GATA5: variants seen among roughly 807,000 people sequenced by gnomAD.
GATA5 encodes the protein transcription factor GATA-5.
In GATA5, 27 loss-of-function variants were observed where a neutral mutation model predicts 35.0. The observed-to-expected ratio is 0.77, with a 90% CI of 0.57 to 1.06. The LOEUF is 1.06. GATA5 is among the 50% of genes least tolerant of loss of function. The pLI, the probability that GATA5 is intolerant of heterozygous loss-of-function variation, is 0.00. For synonymous variants in GATA5, 306 were observed against 267.8 expected, an observed-to-expected ratio of 1.14 and a Z score of -1.39; for missense variants, 612 against 580.0, an observed-to-expected ratio of 1.06 and a Z score of -0.57.
intron 6 of GATA5, 44 bp from the exon 7 acceptor site, chr20:62,465,035 G>C (rs1555895908): frequency 8.3e-7 from 1 of 1,205,310 alleles, no homozygotes. Flanking sequence ...GGGGCGTGGG[G>C]CGTGGGGGGC....
intron 3 of GATA5, among the ~76,000 whole-genome samples, chr20:62,471,002 CT>C (rs1487808949): frequency 1.3e-5 from 2 of 152,238 alleles, no homozygotes; most frequent in Non-Finnish European, 2.9e-5. Context: ...ACAACACCAG[CT>C]AATTTAACTT....
chr20:62,473,135 G>C (rs782078735), intron 3 of GATA5, among the ~76,000 whole-genome samples: 15 of 152,216 alleles, frequency 9.9e-5, no homozygotes, highest in Non-Finnish European at 1.9e-4. Flanking sequence ...TCCAGAGCCT[G>C]GGCTCCTGGC....
chr20:62,474,291 G>T (rs1207152993), intron 2 of GATA5, among the ~76,000 whole-genome samples: 1 of 152,206 alleles, frequency 6.6e-6, no homozygotes, highest in Non-Finnish European at 1.5e-5. Flanking sequence ...TGGGGGTGGG[G>T]CAGGGATCAA....
Position 62,469,631 on chromosome 20 carries a change from C to G in GATA5, c.700-3080G>C, listed in dbSNP as rs6061246. ...CCAGCAGCGGGCACACCCCTCACCCCGCACCCCTGCGAGTGCCAGGGAAAC... is the reference window on the plus strand; with the variant it reads ...CCAGCAGCGGGCACACCCCTCACCCGGCACCCCTGCGAGTGCCAGGGAAAC... On this transcript the variant is annotated intron_variant, in intron 3 of 6. Transcript: ENST00000252997. 4.3e-4 allele frequency among the ~76,000 whole-genome samples: 65 copies of G among 152,242 alleles called. No individual in the cohort carries two copies. The East Asian group carries it at 9.1e-3, about 21-fold the overall frequency.
In GATA5 at chr20:62,470,042, G is replaced by A. The variant is rs782553270; in HGVS notation, c.699+3361C>T. Among the ~76,000 whole-genome samples the A allele has an allele frequency of 2.0e-5, 3 of 152,318 alleles. No individual in the cohort carries two copies. Among genetic ancestry groups the A allele is most frequent in the African/African-American group, 4.8e-5 (2 of 41,568 alleles). On this transcript the variant is annotated intron_variant, in intron 3 of 6. Transcript: ENST00000252997. The surrounding 1 kb of genome is among the most constrained non-coding windows in gnomAD (Gnocchi z 4.6). The stretch of plus-strand genomic sequence containing the variant: ...ACCCTGCCCCCCAGGCCTCTCTCCC[G>A]GCTGCATTTCGTTTTTCTTTTTTGT...
chr20:62,466,811 T>C lies in GATA5; in HGVS notation c.700-260A>G, dbSNP rs6142772. Among the ~76,000 whole-genome samples the C allele has an allele frequency of 0.15, 22,169 of 152,210 alleles. 1,679 individuals are homozygous for C. The highest frequency in any genetic ancestry group is 0.21 in the South Asian group (1,022 of 4,814). On this transcript the variant is annotated intron_variant, in intron 3 of 6. Transcript: ENST00000252997. ...GACCCACCACAGGCCAGTTGTGGGG[T>C]TCAGAGCCCGTGGGGGCCAGGCACC...
chr20:62,475,725 C>G (rs1270830492), intron 1 of GATA5, among the ~76,000 whole-genome samples, 183 bp from the exon 2 acceptor site: 1 of 152,092 alleles, frequency 6.6e-6, no homozygotes, highest in Non-Finnish European at 1.5e-5. Context: ...GAGGCCAGCG[C>G]GTCATCCCCG....
rs1344866314 is a variant in GATA5 at position 62,475,561 on chromosome 20, G to C, written c.-21-19C>G. ...TCTTGACCTGCAGGGAAGAGGGACA[G>C]GTGTGGAGGTCACGGGAGCTCTGCG... On this transcript the variant is annotated intron_variant, in intron 1 of 6. Coordinates refer to ENST00000252997, the MANE Select transcript of GATA5 (RefSeq NM_080473.5). The C allele has an allele frequency of 3.2e-6, 4 of 1,244,354 alleles. No homozygotes were observed. The highest frequency in any genetic ancestry group is 1.5e-5 in the African/African-American group (1 of 64,788). 77.1% of individuals were successfully genotyped at this position (1,244,354 alleles called of 1,614,324 possible).
Position 62,475,529 on chromosome 20 carries a change from G to T in GATA5, c.-8C>A. The stretch of plus-strand genomic sequence containing the variant: ...CGCCAGGCTCTGGTACATCCTCCCA[G>T]GCGTGGTCTTGACCTGCAGGGAAGA... On this transcript the variant is annotated 5_prime_UTR_variant, in exon 2 of 7. The change creates a new upstream start codon in the 5' untranslated region. Transcript: ENST00000252997. 7.8e-7 allele frequency: 1 copy of T among 1,286,784 alleles called. No individual in the cohort carries two copies. The highest frequency in any genetic ancestry group is 9.8e-7 in the Non-Finnish European group (1 of 1,018,416). 79.7% of individuals were successfully genotyped at this position (1,286,784 alleles called of 1,614,324 possible). A position where few individuals can be genotyped will look rare whatever the true frequency, so the allele number is the denominator to read the frequency against.
rs1989833406 is a variant in GATA5, at chr20:62,475,388, T to A, written c.134A>T (p.Tyr45Phe). 4 of 1,343,098 alleles carry A rather than the reference T, an allele frequency of 3.0e-6. No homozygotes were observed. Among genetic ancestry groups the A allele is most frequent in the Non-Finnish European group, 2.9e-6 (3 of 1,047,010 alleles). The allele number at this position is 1,343,098 out of a possible 1,614,324, so 83.2% of individuals were successfully genotyped here. A position where few individuals can be genotyped will look rare whatever the true frequency, so the allele number is the denominator to read the frequency against. Residue 45 changes from tyrosine (Y) to phenylalanine (F), a missense_variant, in exon 2 of 7, where the codon TAC becomes TTC. Transcript: ENST00000252997. ...PPARVPSMLS[Y>F]LSGCEPSPQP... ...CGGGCTCGGCTCACACCCGGACAGG[T>A]AGGACAGCATCGAGGGGACGCGCGC...
chr20:62,466,821 G>C lies in GATA5; in HGVS notation c.700-270C>G, dbSNP rs575062686. Among the ~76,000 whole-genome samples the C allele has an allele frequency of 3.9e-5, 6 of 152,354 alleles. No homozygotes were observed. The South Asian group carries it at 1.2e-3, about 32-fold the overall frequency. ...AGGCCAGTTGTGGGGTTCAGAGCCC[G>C]TGGGGGCCAGGCACCTAGACACGGC... On this transcript the variant is annotated intron_variant, in intron 3 of 6. Coordinates refer to ENST00000252997, the MANE Select transcript of GATA5 (RefSeq NM_080473.5).
At position 62,473,501 on chromosome 20, in the gene GATA5, G is replaced by A. The variant is rs782208424; in HGVS notation, c.601C>T (p.Arg201Cys). The change falls in exon 3 of 7, where the codon CGC becomes TGC. Residue 201 changes from arginine to cysteine, a missense_variant. By Grantham distance (180) the Arg-to-Cys change is radical. Coordinates refer to ENST00000252997, the MANE Select transcript of GATA5 (RefSeq NM_080473.5). ...AGGTAGTGGCCGGTGCCGTCTCGGC[G>A]CCACAGCGGTGTGGACAGGGCCCCG... Reference protein sequence around the residue: ...NCGALSTPLWRRDGTGHYLCN... With the variant: ...NCGALSTPLWCRDGTGHYLCN... 1.9e-6 allele frequency: 3 copies of A among 1,609,540 alleles called. No homozygotes were observed. Among genetic ancestry groups the A allele is most frequent in the South Asian group, 2.2e-5 (2 of 90,428 alleles).
At position 62,475,144 on chromosome 20, in the gene GATA5, G is replaced by A. The variant is rs782141667; in HGVS notation, c.378C>T (p.Phe126=). 3 of 1,357,246 alleles carry A rather than the reference G, an allele frequency of 2.2e-6. No homozygotes were observed. Among genetic ancestry groups the A allele is most frequent in the South Asian group, 1.9e-5 (1 of 53,956 alleles). 84.1% of individuals were successfully genotyped at this position (1,357,246 alleles called of 1,614,324 possible). A position where few individuals can be genotyped will look rare whatever the true frequency, so the allele number is the denominator to read the frequency against. ...CCACCGGCCGCCCAAGCGGGGCCGC[G>A]AACTGTTCTCGAGGCAACAGCGCGC... ...YQGALLPREQ[F]AAPLGRPVGT... Residue 126 remains phenylalanine, a synonymous_variant, in exon 2 of 7, where the codon TTC becomes TTT. Transcript: ENST00000252997.
intron 3 of GATA5, among the ~76,000 whole-genome samples, chr20:62,471,333 G>A (rs1239005908): frequency 1.3e-5 from 2 of 151,888 alleles, no homozygotes; most frequent in Admixed American, 6.6e-5. Flanking sequence ...GCAGTCTCAC[G>A]GGAGCTGGGC....
intron 2 of GATA5, 28 bp downstream of exon 2, chr20:62,474,971 C>G: frequency 2.3e-6 from 3 of 1,281,364 alleles, no homozygotes; most frequent in Non-Finnish European, 2.0e-6. Flanking sequence ...GCTCCTGGGC[C>G]CCGAGACTGT....
At position 62,466,679 on chromosome 20, in the gene GATA5, A is replaced by G. The variant is rs114175254; in HGVS notation, c.700-128T>C. 6,330 of 1,080,304 alleles carry G rather than the reference A, an allele frequency of 5.9e-3. 260 individuals are homozygous for G. The African/African-American group carries it at 0.087, about 15-fold the overall frequency. 66.9% of individuals were successfully genotyped at this position (1,080,304 alleles called of 1,614,324 possible). Reference sequence around the variant, plus strand: ...CGGTGAGAAGGTCGTGAGCTCTGCAATGGCCTCGCCTGGCAGCTCTGCCTG... The same window carrying G: ...CGGTGAGAAGGTCGTGAGCTCTGCAGTGGCCTCGCCTGGCAGCTCTGCCTG... On this transcript the variant is annotated intron_variant, in intron 3 of 6. Transcript: ENST00000252997.
chr20:62,471,116 A>C (rs185943372), intron 3 of GATA5, among the ~76,000 whole-genome samples: 8 of 152,296 alleles, frequency 5.3e-5, no homozygotes, highest in Admixed American at 3.9e-4. Context: ...GCCCCAGCCC[A>C]GGAGTCTGGG....
rs574764628 is a variant in GATA5 at position 62,471,432 on chromosome 20, AT to A, written c.699+1970del. Among the ~76,000 whole-genome samples, 177 of 81,754 alleles carry A rather than the reference AT, an allele frequency of 2.2e-3. 9 individuals carry two copies. Among genetic ancestry groups the A allele is most frequent in the East Asian group, 0.02 (59 of 2,882 alleles). 53.6% of individuals were successfully genotyped at this position (81,754 alleles called of 152,430 possible). The stretch of plus-strand genomic sequence containing the variant: ...TAAAGAGAAGTTAATTTCAATTACA[AT>A]TTTTTTTTTTTTTTTTGTGATGAGG... On this transcript the variant is annotated intron_variant, in intron 3 of 6. Transcript: ENST00000252997.
intron 2 of GATA5, among the ~76,000 whole-genome samples, chr20:62,473,869 G>A (rs1989784615): frequency 1.3e-5 from 2 of 152,212 alleles, no homozygotes; most frequent in South Asian, 2.1e-4. Flanking sequence ...TCCCGGCTCC[G>A]GGACCGGGGG....
Sources: gnomAD v4.1 joint callset for allele counts (sites outside exome capture counted in the v4.1 genomes callset) on GRCh38, gnomAD v4.1.1 for gene constraint, Gnocchi (gnomAD v3.1) non-coding constraint, MANE v1.5 for transcripts, NCBI Gene and HGNC (gene_info 2026-07-23, HGNC 2026-07-21) for gene names.